Variants in GTF2H1 observed in about 807,000 individuals in gnomAD.
The protein encoded by GTF2H1 is BTF2 p62.
Under a neutral mutation model 71.2 loss-of-function variants are expected in GTF2H1, and 16 were observed. The observed-to-expected ratio is 0.22, with a 90% CI of 0.15 to 0.34. The LOEUF (loss-of-function observed/expected upper bound fraction) is 0.34. Among genes scored for constraint, GTF2H1 ranks in the 10% least tolerant of loss-of-function variants. The pLI is 1.00. For missense variants in GTF2H1, 498 were observed against 648.2 expected, an observed-to-expected ratio of 0.77 and a Z score of 2.52; for synonymous variants, 215 against 219.0, an observed-to-expected ratio of 0.98 and a Z score of 0.16.
At chr11:18,354,112 T>A (rs565573474) in intron 11 of GTF2H1, among the ~76,000 whole-genome samples, 1 of 152,302 alleles carries the variant, frequency 6.6e-6, no homozygotes, top group African/African-American at 2.4e-5. Flanking sequence ...ATTGAAAGAG[T>A]ACTGGGCAAT....
At position 18,337,474 on chromosome 11, in the gene GTF2H1, A is replaced by C. The variant is rs185450957; in HGVS notation, c.348-635A>C. On this transcript the variant is annotated intron_variant, in intron 3 of 14. Transcript: ENST00000265963. ...AAGAAAAAAAAAACTTCATTGCTGG[A>C]AAATTTCAAGCATACCTCCTTTTCT... Among the ~76,000 whole-genome samples, 11 of 152,234 alleles carry C rather than the reference A, an allele frequency of 7.2e-5. No individual in the cohort carries two copies. In the East Asian group the frequency reaches 1.9e-3, roughly 27 times the overall value.
chr11:18,345,397 A>G (rs1203755618), intron 7 of GTF2H1, among the ~76,000 whole-genome samples: 2 of 151,952 alleles, frequency 1.3e-5, no homozygotes, highest in East Asian at 1.9e-4. Context: ...TGTAATCTTC[A>G]TGAAGCTGAC....
intron 5 of GTF2H1, among the ~76,000 whole-genome samples, chr11:18,339,964 G>T (rs1463238859): frequency 6.6e-6 from 1 of 152,136 alleles, no homozygotes; most frequent in African/African-American, 2.4e-5. Flanking sequence ...TAAAAGTATA[G>T]ATTCCTTGAC....
Position 18,335,117 on chromosome 11 carries a change from A to G in GTF2H1, c.155-637A>G, listed in dbSNP as rs181485992. Among the ~76,000 whole-genome samples the G allele has an allele frequency of 1.2e-3, 176 of 152,228 alleles. 1 individual carries two copies. Among genetic ancestry groups the G allele is most frequent in the Non-Finnish European group, 3.7e-4 (25 of 68,020 alleles). On this transcript the variant is annotated intron_variant, in intron 2 of 14. Transcript: ENST00000265963. Reference sequence around the variant, plus strand: ...TTATTCCTGTATACCTGTATTTTTTATAAGCTAAAAGTCAGATCTAAAGGC... The same window carrying G: ...TTATTCCTGTATACCTGTATTTTTTGTAAGCTAAAAGTCAGATCTAAAGGC...
intron 7 of GTF2H1, among the ~76,000 whole-genome samples, chr11:18,344,925 G>T (rs906118794): frequency 4.6e-5 from 7 of 151,932 alleles, no homozygotes; most frequent in African/African-American, 1.5e-4. Flanking sequence ...GTCATTTCTC[G>T]CCAGGTGGGG....
chr11:18,333,081 A>G lies in GTF2H1; in HGVS notation c.7A>G (p.Thr3Ala), dbSNP rs1448854914. MA[T>A]SSEEVLLIVK... Reference sequence around the variant, plus strand: ...TTAGCACCTTCTAGCCACCATGGCAACCTCATCTGAAGAAGTTTTGCTGAT... The same window carrying G: ...TTAGCACCTTCTAGCCACCATGGCAGCCTCATCTGAAGAAGTTTTGCTGAT... Residue 3 changes from threonine (T) to alanine (A), a missense_variant, in exon 2 of 15, where the codon ACC (threonine) becomes GCC (alanine). Physicochemically the swap from Thr to Ala is moderately conservative, Grantham distance 58. Around this residue, in one of 3 missense-constraint regions of GTF2H1, gnomAD observed 216 missense variants for 306.2 expected, o/e 0.71. Coordinates refer to ENST00000265963, the MANE Select transcript of GTF2H1 (RefSeq NM_005316.4). 6.2e-7 allele frequency: 1 copy of G among 1,610,826 alleles called. No homozygotes were observed. Among genetic ancestry groups the G allele is most frequent in the Non-Finnish European group, 8.5e-7 (1 of 1,179,528 alleles).
intron 3 of GTF2H1, 133 bp downstream of exon 3, chr11:18,336,079 T>C: frequency 2.0e-6 from 1 of 498,328 alleles, no homozygotes; most frequent in Non-Finnish European, 3.4e-6. Context: ...CGTTTTTGTT[T>C]TTGTTTTGTT....
chr11:18,344,752 A>G (rs1358568740), intron 7 of GTF2H1, among the ~76,000 whole-genome samples: 3 of 152,150 alleles, frequency 2.0e-5, no homozygotes, highest in Admixed American at 6.5e-5. Context: ...TGGCTCCTGC[A>G]TACTTCTCAG....
chr11:18,351,179 G>A (rs528824025), intron 9 of GTF2H1, among the ~76,000 whole-genome samples: 2 of 151,900 alleles, frequency 1.3e-5, no homozygotes, highest in South Asian at 4.2e-4. Flanking sequence ...TGTAATCTCC[G>A]CAATTTAGGA....
At chr11:18,362,550 ACCC>A (rs1352021849) in intron 14 of GTF2H1, among the ~76,000 whole-genome samples, 1 of 151,818 alleles carries the variant, frequency 6.6e-6, no homozygotes, top group Non-Finnish European at 1.5e-5. Flanking sequence ...AACCTAAAAC[ACCC>A]ATTGTATAGC....
chr11:18,362,464 C>T (rs1354530190), intron 14 of GTF2H1, among the ~76,000 whole-genome samples: 1 of 152,032 alleles, frequency 6.6e-6, no homozygotes, highest in Non-Finnish European at 1.5e-5. Context: ...ATAAATTAGC[C>T]TTAGCTTACT....
intron 1 of GTF2H1, among the ~76,000 whole-genome samples, chr11:18,327,425 T>A (rs573601931): frequency 1.4e-4 from 21 of 152,324 alleles, no homozygotes; most frequent in Admixed American, 1.4e-3. Flanking sequence ...CTGACCCAGA[T>A]TCAAACCCAG....
At chr11:18,328,248 C>T (rs962000866) in intron 1 of GTF2H1, among the ~76,000 whole-genome samples, 6 of 147,736 alleles carry the variant, frequency 4.1e-5, no homozygotes, top group South Asian at 2.1e-4. Flanking sequence ...CTGTGGCTAA[C>T]GCCTGTAATC....
At chr11:18,326,587 CT>C (rs1277952233) in intron 1 of GTF2H1, among the ~76,000 whole-genome samples, 1 of 152,006 alleles carries the variant, frequency 6.6e-6, no homozygotes, top group African/African-American at 2.4e-5. Context: ...GTATTCTCCA[CT>C]TTGCAGTTTC....
Position 18,326,923 on chromosome 11 carries a change from T to A in GTF2H1, c.-16+4183T>A, listed in dbSNP as rs56702016. ...CAGTCCAGTTTCATATTCTACAGAG[T>A]GGGCTTTTTAAAATATGTTCTCTAA... On this transcript the variant is annotated intron_variant, in intron 1 of 14. Transcript: ENST00000265963. Among the ~76,000 whole-genome samples the A allele has an allele frequency of 7.0e-3, 1,069 of 152,136 alleles. 14 individuals are homozygous for A. Among genetic ancestry groups the A allele is most frequent in the African/African-American group, 0.024 (1,011 of 41,486 alleles).
intron 8 of GTF2H1, 26 bp downstream of exon 8, chr11:18,347,741 T>C: frequency 1.2e-6 from 2 of 1,608,316 alleles, no homozygotes; most frequent in Non-Finnish European, 1.7e-6. Flanking sequence ...AGAGGTGCAG[T>C]AACTGGGCTT....
intron 3 of GTF2H1, among the ~76,000 whole-genome samples, chr11:18,337,165 A>C (rs1169853265): frequency 6.6e-6 from 1 of 152,200 alleles, no homozygotes; most frequent in Admixed American, 6.5e-5. Flanking sequence ...ATAATGGCTC[A>C]TGCCTGTAGT....
intron 14 of GTF2H1, among the ~76,000 whole-genome samples, chr11:18,362,949 G>A (rs1017745582): frequency 1.3e-5 from 2 of 151,784 alleles, no homozygotes; most frequent in Non-Finnish European, 2.9e-5. Context: ...GATTACAGGC[G>A]TGAGCCACCA....
In GTF2H1 at chr11:18,351,976, T is replaced by G; in HGVS notation, c.1142+7T>G. ...ACCTCAAGAAGTCAGATAGGTAAGT[T>G]TGGTCAATATTAAGCAGAATAGCTA... On this transcript the variant is annotated splice_region_variant and intron_variant, in intron 10 of 14. Transcript: ENST00000265963. 2.1e-6 allele frequency: 3 copies of G among 1,453,704 alleles called. No homozygotes were observed. Among genetic ancestry groups the G allele is most frequent in the Non-Finnish European group, 2.9e-6 (3 of 1,034,506 alleles). The allele number at this position is 1,453,704 out of a possible 1,614,324, so 90.1% of individuals were successfully genotyped here. A position where few individuals can be genotyped will look rare whatever the true frequency, so the allele number is the denominator to read the frequency against.
Sources: gnomAD v4.1 joint callset for allele counts (sites outside exome capture counted in the v4.1 genomes callset) on GRCh38, gnomAD v4.1.1 for gene constraint, gnomAD v4.1.1 regional missense constraint, MANE v1.5 for transcripts, NCBI Gene and HGNC (gene_info 2026-07-23, HGNC 2026-07-21) for gene names.